Variants in LOXHD1 observed in about 807,000 individuals in gnomAD.
LOXHD1 encodes lipoxygenase homology domain-containing protein 1.
A neutral mutation model predicts 248.2 loss-of-function variants in LOXHD1; 205 were observed. The observed-to-expected ratio is 0.83, with a 90% CI of 0.74 to 0.93. The LOEUF (loss-of-function observed/expected upper bound fraction) is 0.93, where lower values mean the gene tolerates loss of function less well. LOXHD1 is among the 40% of genes least tolerant of loss of function. LOXHD1 has a pLI of 0.00. For missense variants in LOXHD1, 2,930 were observed against 2,971.6 expected, an observed-to-expected ratio of 0.99 and a Z score of 0.33; for synonymous variants, 1,113 against 1,162.8, an observed-to-expected ratio of 0.96 and a Z score of 0.87.
At chr18:46,539,418 G>A (rs35880944) in intron 25 of LOXHD1, among the ~76,000 whole-genome samples, 20,898 of 151,952 alleles carry the variant, frequency 0.14, 1,551 homozygotes, top group South Asian at 0.24. Flanking sequence ...CTGAGATCAC[G>A]CCACTGCACT....
chr18:46,565,813 T>G (rs920131909), intron 17 of LOXHD1, among the ~76,000 whole-genome samples: 1 of 152,178 alleles, frequency 6.6e-6, no homozygotes, highest in African/African-American at 2.4e-5. Context: ...GTAATTTTTT[T>G]CCAAATGTTT....
intron 21 of LOXHD1, among the ~76,000 whole-genome samples, chr18:46,548,272 T>G (rs1004757251): frequency 2.6e-5 from 4 of 152,156 alleles, no homozygotes; most frequent in African/African-American, 7.2e-5. Flanking sequence ...CCTGCCCTGA[T>G]GCACAAGGGC....
At chr18:46,627,463 T>A (rs1325613458) in intron 4 of LOXHD1, among the ~76,000 whole-genome samples, 2 of 152,084 alleles carry the variant, frequency 1.3e-5, no homozygotes, top group Non-Finnish European at 2.9e-5. Context: ...TGTCATCAGT[T>A]CAGATTTTCG....
chr18:46,550,067 G>A (rs1480671070), intron 21 of LOXHD1, among the ~76,000 whole-genome samples: 1 of 152,150 alleles, frequency 6.6e-6, no homozygotes, highest in African/African-American at 2.4e-5. Context: ...CAATAAATGT[G>A]GACAAGGTGA....
intron 4 of LOXHD1, among the ~76,000 whole-genome samples, chr18:46,638,477 C>T (rs1176464325): frequency 6.6e-6 from 1 of 151,960 alleles, no homozygotes; most frequent in African/African-American, 2.4e-5. Flanking sequence ...ACGGTAAATA[C>T]AAAAAATTAG....
chr18:46,583,590 G>T (rs1568200782), intron 12 of LOXHD1, among the ~76,000 whole-genome samples: 1 of 151,792 alleles, frequency 6.6e-6, no homozygotes, highest in African/African-American at 2.4e-5. Context: ...GAAAAAAAAA[G>T]TTCAACATCA....
chr18:46,487,780 G>A (rs1432121266), intron 38 of LOXHD1, among the ~76,000 whole-genome samples: 4 of 152,214 alleles, frequency 2.6e-5, no homozygotes, highest in African/African-American at 9.6e-5. Flanking sequence ...AGAGTTGAGA[G>A]GAGAAGAGAG....
At chr18:46,516,472 G>A (rs1477845193) in intron 34 of LOXHD1, among the ~76,000 whole-genome samples, 1 of 152,176 alleles carries the variant, frequency 6.6e-6, no homozygotes, top group East Asian at 1.9e-4. Context: ...GCTGCATAGG[G>A]CCCATAGGAT....
In LOXHD1 at chr18:46,560,302, C is replaced by A; in HGVS notation, c.2842G>T (p.Glu948Ter). 6.4e-7 allele frequency: 1 copy of A among 1,552,018 alleles called. No individual in the cohort carries two copies. Among genetic ancestry groups the A allele is most frequent in the South Asian group, 1.2e-5 (1 of 84,054 alleles). The change falls in exon 19 of 41, where the codon GAA becomes TAA. Residue 948 changes from glutamate (E) to a stop codon, truncating the protein, a stop_gained. Transcript: ENST00000642948. LOFTEE classifies it high-confidence loss of function. Reference protein sequence around the residue: ...RKKKKRKGSDEEDEGEEEESS... With the variant: ...RKKKKRKGSD ...TCCTCTTCCTCCCCCTCGTCCTCTTCGTCGCTGCCCTTCCTCTTCTTCTTC... is the reference window on the plus strand; with the variant it reads ...TCCTCTTCCTCCCCCTCGTCCTCTTAGTCGCTGCCCTTCCTCTTCTTCTTC...
At position 46,592,081 on chromosome 18, in the gene LOXHD1, T is replaced by C. The variant is rs1308445740; in HGVS notation, c.1519-13A>G. 9.7e-6 allele frequency: 15 copies of C among 1,552,244 alleles called. No homozygotes were observed. In the East Asian group the frequency reaches 3.7e-4, roughly 38 times the overall value. On this transcript the variant is annotated splice_polypyrimidine_tract_variant and intron_variant, in intron 11 of 40. Transcript: ENST00000642948. ...TCATCAGGGTCATCTGGAATGAAGT[T>C]CTGGGGTGAGCAAGTTGGTGCACCA...
At chr18:46,651,002 C>T (rs989447965) in intron 1 of LOXHD1, among the ~76,000 whole-genome samples, 5 of 152,224 alleles carry the variant, frequency 3.3e-5, no homozygotes, top group Non-Finnish European at 7.3e-5. Context: ...ACAGAAGAAA[C>T]TCAACAAATA....
Position 46,518,250 on chromosome 18 carries a change from A to G in LOXHD1, c.5278T>C (p.Tyr1760His), listed in dbSNP as rs1168034573. ...MVVNIGVKVL[Y>H]EMTVWTGDVV... ...TCCCCTGTCCACACCGTCATTTCAT[A>G]GAGAACCTGCCATGAGAGGAATGCA... The change falls in exon 34 of 41, where the codon TAT (tyrosine) becomes CAT (histidine). Residue 1760 changes from tyrosine (Y) to histidine (H), a missense_variant. By Grantham distance (83) the Tyr-to-His change is moderately conservative. Transcript: ENST00000642948. 3.2e-6 allele frequency: 5 copies of G among 1,551,548 alleles called. No individual in the cohort carries two copies. Among genetic ancestry groups the G allele is most frequent in the Non-Finnish European group, 3.5e-6 (4 of 1,146,846 alleles).
chr18:46,504,830 C>T (rs753754589), intron 37 of LOXHD1, among the ~76,000 whole-genome samples: 1 of 152,150 alleles, frequency 6.6e-6, no homozygotes, highest in Non-Finnish European at 1.5e-5. Flanking sequence ...AGGCTTTGAG[C>T]AGATAGCTTT....
intron 38 of LOXHD1, among the ~76,000 whole-genome samples, chr18:46,487,256 G>C (rs1027753836): frequency 6.6e-6 from 1 of 152,148 alleles, no homozygotes; most frequent in Non-Finnish European, 1.5e-5. Flanking sequence ...GGAGAGGAGC[G>C]AACAGATCCC....
rs568923178 is a variant in LOXHD1 at position 46,542,977 on chromosome 18, T to C, written c.3620-122A>G. 469 of 1,365,408 alleles carry C rather than the reference T, an allele frequency of 3.4e-4. 3 individuals carry two copies. The African/African-American group carries it at 6.3e-3, about 18-fold the overall frequency. The allele number at this position is 1,365,408 out of a possible 1,614,324, so 84.6% of individuals were successfully genotyped here. A position where few individuals can be genotyped will look rare whatever the true frequency, so the allele number is the denominator to read the frequency against. On this transcript the variant is annotated intron_variant, in intron 23 of 40. Transcript: ENST00000642948. ...TTCTGAACTTCCACCAAATTTAGAC[T>C]GTGCAATTATCATCCATTGGCCACC...
intron 13 of LOXHD1, among the ~76,000 whole-genome samples, chr18:46,578,749 C>T (rs1395118863): frequency 6.6e-6 from 1 of 152,242 alleles, no homozygotes; most frequent in African/African-American, 2.4e-5. Context: ...TTCACTGCAA[C>T]AACGACTCTG....
chr18:46,478,859 A>C (rs1399929251), intron 40 of LOXHD1, among the ~76,000 whole-genome samples: 3 of 152,096 alleles, frequency 2.0e-5, no homozygotes, highest in African/African-American at 7.2e-5. Context: ...TGTCCAGCTA[A>C]TTTAAAAAAA....
At chr18:46,572,213 A>C in intron 14 of LOXHD1, 51 bp from the exon 15 acceptor site, 5 of 1,481,132 alleles carry the variant, frequency 3.4e-6, no homozygotes, top group Non-Finnish European at 4.6e-6. Context: ...CAGGCAGACA[A>C]TCAAAGCTTC....
chr18:46,623,412 T>C (rs929421853), intron 4 of LOXHD1, among the ~76,000 whole-genome samples: 4 of 152,104 alleles, frequency 2.6e-5, no homozygotes, highest in South Asian at 2.1e-4. Context: ...ACAATGAGGG[T>C]TGTAGACCAG....
Sources: gnomAD v4.1 joint callset for allele counts (sites outside exome capture counted in the v4.1 genomes callset) on GRCh38, gnomAD v4.1.1 for gene constraint, MANE v1.5 for transcripts, NCBI Gene and HGNC (gene_info 2026-07-23, HGNC 2026-07-21) for gene names.